CCNJL: variants seen among roughly 807,000 people sequenced by gnomAD.
CCNJL encodes cyclin-J-like protein.
In CCNJL, 33 loss-of-function variants were observed where a neutral mutation model predicts 33.4. That is an observed-to-expected ratio of 0.99 (90% confidence interval 0.75 to 1.32). The LOEUF is 1.32. Ranked by LOEUF, CCNJL falls within the 40% of genes most tolerant of loss-of-function variation. The probability of loss-of-function intolerance (pLI) is 0.00; values close to 1 mark genes in which losing one functional copy is unlikely to be tolerated. For missense variants in CCNJL, 512 were observed against 499.7 expected (o/e 1.02, Z -0.23); for synonymous variants, 227 against 220.9 (o/e 1.03, Z -0.24).
chr5:160,331,566 C>G (rs1763608638), intron 1 of CCNJL, among the ~76,000 whole-genome samples: 1 of 152,184 alleles, frequency 6.6e-6, no homozygotes, highest in African/African-American at 2.4e-5. Flanking sequence ...CTCACCTCCT[C>G]TCTTCTCACC....
At chr5:160,322,866 T>C (rs1307439172) in intron 1 of CCNJL, among the ~76,000 whole-genome samples, 4 of 151,256 alleles carry the variant, frequency 2.6e-5, no homozygotes, top group South Asian at 4.2e-4. Flanking sequence ...TGAGCCGAGA[T>C]TGCGCTACTG....
intron 1 of CCNJL, chr5:160,326,630 G>T (rs1442279432): frequency 7.6e-6 from 5 of 653,704 alleles, no homozygotes; most frequent in Non-Finnish European, 1.5e-5. Flanking sequence ...TACTGATAAA[G>T]TAGGTTCTTA....
intron 2 of CCNJL, among the ~76,000 whole-genome samples, chr5:160,302,326 T>A (rs914159856): frequency 6.6e-6 from 1 of 152,186 alleles, no homozygotes; most frequent in Admixed American, 6.5e-5. Context: ...ATATACTTGA[T>A]AGTATTTTTG....
At chr5:160,306,473 G>A (rs941438092) in intron 2 of CCNJL, among the ~76,000 whole-genome samples, 2 of 152,124 alleles carry the variant, frequency 1.3e-5, no homozygotes, top group Non-Finnish European at 2.9e-5. Flanking sequence ...GGACGAGAAG[G>A]AGGGAGCCCC....
chr5:160,329,983 C>T (rs549260883), intron 1 of CCNJL, among the ~76,000 whole-genome samples: 1 of 152,278 alleles, frequency 6.6e-6, no homozygotes, highest in South Asian at 2.1e-4. Flanking sequence ...TGCCTCTTTC[C>T]AACACAGACT....
intron 5 of CCNJL, chr5:160,254,698 T>C (rs1314853970): frequency 9.7e-6 from 2 of 205,764 alleles, no homozygotes; most frequent in Non-Finnish European, 1.9e-5. Flanking sequence ...TCTGTCCTGT[T>C]TGCCTTGCTC....
At chr5:160,303,885 T>C (rs1763009397) in intron 2 of CCNJL, among the ~76,000 whole-genome samples, 1 of 152,088 alleles carries the variant, frequency 6.6e-6, no homozygotes, top group Non-Finnish European at 1.5e-5. Flanking sequence ...AAAGAAGAAG[T>C]CAATGACAAG....
intron 2 of CCNJL, among the ~76,000 whole-genome samples, chr5:160,299,294 T>G (rs944278703): frequency 4.6e-5 from 7 of 152,132 alleles, no homozygotes; most frequent in African/African-American, 1.7e-4. Context: ...GGATTACACG[T>G]GCCTGCCAAC....
chr5:160,307,959 C>T (rs1261818741), intron 2 of CCNJL, among the ~76,000 whole-genome samples: 6 of 152,168 alleles, frequency 3.9e-5, no homozygotes, highest in Non-Finnish European at 8.8e-5. Flanking sequence ...AGGGTCTTAC[C>T]AATGGGGTCT....
chr5:160,253,332 C>T lies in CCNJL; in HGVS notation c.*46G>A. On this transcript the variant is annotated 3_prime_UTR_variant, in exon 6 of 6. Coordinates refer to ENST00000257536, the MANE Select transcript of CCNJL (RefSeq NM_001308173.3). ...GAGCTCTCCTCTTCAGTGTCCTCTT[C>T]CTCTGCCCACATCTCCAAGGCTTCC... The T allele has an allele frequency of 6.5e-7, 1 of 1,527,686 alleles. No individual in the cohort carries two copies. Among genetic ancestry groups the T allele is most frequent in the South Asian group, 1.3e-5 (1 of 78,098 alleles). The allele number at this position is 1,527,686 out of a possible 1,614,324, so 94.6% of individuals were successfully genotyped here. A position where few individuals can be genotyped will look rare whatever the true frequency, so the allele number is the denominator to read the frequency against.
At chr5:160,261,799 C>T (rs1419824197) in intron 3 of CCNJL, among the ~76,000 whole-genome samples, 1 of 152,158 alleles carries the variant, frequency 6.6e-6, no homozygotes, top group Non-Finnish European at 1.5e-5. Context: ...TGCTTAACAT[C>T]AAGTATTAAT....
intron 3 of CCNJL, 68 bp from the exon 4 acceptor site, chr5:160,259,839 C>A (rs1007088157): frequency 3.0e-5 from 40 of 1,338,724 alleles, no homozygotes; most frequent in Admixed American, 6.0e-5. Context: ...GCTAACGGCC[C>A]ACCTTACAGT....
chr5:160,293,513 G>T (rs1335335857), intron 2 of CCNJL, among the ~76,000 whole-genome samples: 2 of 152,144 alleles, frequency 1.3e-5, no homozygotes, highest in East Asian at 3.8e-4. Flanking sequence ...GAGAACTAAA[G>T]TCTCCAGCAA....
upstream of CCNJL, among the ~76,000 whole-genome samples, chr5:160,313,218 G>T (rs1404190087): frequency 6.6e-6 from 1 of 152,150 alleles, no homozygotes; most frequent in Non-Finnish European, 1.5e-5. Flanking sequence ...CTTGCTTTTG[G>T]AAAGTCATCC....
At chr5:160,256,418 A>G (rs927554638) in intron 4 of CCNJL, among the ~76,000 whole-genome samples, 3 of 152,232 alleles carry the variant, frequency 2.0e-5, no homozygotes, top group Admixed American at 6.5e-5. Flanking sequence ...GTAGGCACTC[A>G]GTGAAAATCT....
At chr5:160,301,705 G>A (rs1471444972) in intron 2 of CCNJL, among the ~76,000 whole-genome samples, 1 of 150,160 alleles carries the variant, frequency 6.7e-6, no homozygotes, top group Non-Finnish European at 1.5e-5. Flanking sequence ...AAAGTGCTGG[G>A]ATTACAGGTG....
At chr5:160,274,755 T>G (rs530742850) in intron 3 of CCNJL, 1 of 152,536 alleles carries the variant, frequency 6.6e-6, no homozygotes, top group African/African-American at 2.4e-5. Context: ...CTTCCACTGC[T>G]TTTCACAGAC....
chr5:160,268,239 G>C (rs1253946442), intron 3 of CCNJL, among the ~76,000 whole-genome samples: 1 of 152,238 alleles, frequency 6.6e-6, no homozygotes, highest in Non-Finnish European at 1.5e-5. Context: ...AGGGCACCAT[G>C]CTCTGGCAGG....
intron 2 of CCNJL, among the ~76,000 whole-genome samples, chr5:160,308,461 C>T (rs12657467): frequency 0.26 from 39,378 of 152,072 alleles, 5,283 homozygotes; most frequent in South Asian, 0.28. Flanking sequence ...AGCAAACAAA[C>T]GAAAAATAAC....
Sources: gnomAD v4.1 joint callset for allele counts (sites outside exome capture counted in the v4.1 genomes callset) on GRCh38, gnomAD v4.1.1 for gene constraint, MANE v1.5 for transcripts, NCBI Gene and HGNC (gene_info 2026-07-23, HGNC 2026-07-21) for gene names.